The following DNAH5 variants were observed in gnomAD, a reference collection of about 807,000 sequenced individuals.
DNAH5 encodes the protein axonemal beta dynein heavy chain 5.
DNAH5 carries 372 observed loss-of-function variants against 518.2 expected under a neutral mutation model. The ratio of observed to expected loss-of-function variants is 0.72; its 90% CI spans 0.66 to 0.78. DNAH5 has a LOEUF of 0.78. Among genes scored for constraint, DNAH5 ranks in the 30% least tolerant of loss-of-function variants. The probability of loss-of-function intolerance (pLI) is 0.00; values close to 1 mark genes in which losing one functional copy is unlikely to be tolerated. For missense variants in DNAH5, 5,523 were observed against 5,687.0 expected, an observed-to-expected ratio of 0.97 and a Z score of 0.93; for synonymous variants, 2,039 against 2,025.9, an observed-to-expected ratio of 1.01 and a Z score of -0.17.
At chr5:13,765,875 T>A in intron 59 of DNAH5, 101 bp downstream of exon 59, 1 of 1,183,866 alleles carries the variant, frequency 8.4e-7, no homozygotes, top group South Asian at 1.2e-5. Context: ...AAATCATGTA[T>A]GTAGAGTAAG....
intron 74 of DNAH5, among the ~76,000 whole-genome samples, chr5:13,716,181 T>C (rs899213039): frequency 2.6e-5 from 4 of 152,200 alleles, no homozygotes; most frequent in Non-Finnish European, 5.9e-5. Flanking sequence ...CCAGGTGATT[T>C]GTGTAGGTCT....
chr5:13,695,253 C>T (rs755983418), intron 78 of DNAH5, among the ~76,000 whole-genome samples: 5 of 152,168 alleles, frequency 3.3e-5, no homozygotes, highest in South Asian at 2.1e-4. Context: ...TCCTGGCCCT[C>T]GGCTCACAGT....
chr5:14,003,768 C>T (rs1280268806), intron 1 of DNAH5, among the ~76,000 whole-genome samples: 1 of 152,248 alleles, frequency 6.6e-6, no homozygotes, highest in African/African-American at 2.4e-5. Flanking sequence ...GGAATACTCT[C>T]TCTTTGAAGC....
At chr5:13,920,806 T>A (rs1447437963) in intron 5 of DNAH5, among the ~76,000 whole-genome samples, 189 bp from the exon 6 acceptor site, 14 of 151,840 alleles carry the variant, frequency 9.2e-5, no homozygotes, top group Non-Finnish European at 2.1e-4. Flanking sequence ...TTCCAACACT[T>A]CCCTGTGATC....
Position 13,788,777 on chromosome 5 carries a change from C to A in DNAH5, c.8586G>T (p.Leu2862Phe), listed in dbSNP as rs10513155. The A allele has an allele frequency of 0.27, 429,352 of 1,613,654 alleles. 58,738 individuals carry two copies. The highest frequency in any genetic ancestry group is 0.38 in the Middle Eastern group (2,296 of 6,062). ...EEEFGEEKKL[L>F]VDCGIDTYFV... ...AATATGTGTCAATTCCACAATCCAC[C>A]AAGAGTTTTTTCTCTTCACCAAACT... The change falls in exon 51 of 79, where the codon TTG becomes TTT. Residue 2862 changes from leucine to phenylalanine, a missense_variant. By Grantham distance (22) the Leu-to-Phe change is conservative (BLOSUM62 0). Coordinates refer to ENST00000265104, the MANE Select transcript of DNAH5 (RefSeq NM_001369.3).
rs1373859322 is a variant in DNAH5, at chr5:13,753,513, G to T, written c.10592C>A (p.Ser3531Tyr). 6.2e-7 allele frequency: 1 copy of T among 1,613,648 alleles called. No individual in the cohort carries two copies. The highest frequency in any genetic ancestry group is 8.5e-7 in the Non-Finnish European group (1 of 1,179,926). ...ACGAAACTCTTGGTTAAATGGACCA[G>T]AATAAGATAGAAAAGCTGTAGCCAA... ...VLLATAFLSY[S>Y]GPFNQEFRDL... Residue 3531 changes from serine to tyrosine, a missense_variant, in exon 63 of 79, where the codon TCT becomes TAT. Coordinates refer to ENST00000265104, the MANE Select transcript of DNAH5 (RefSeq NM_001369.3).
At chr5:13,905,641 C>A (rs2151968947) in intron 12 of DNAH5, among the ~76,000 whole-genome samples, 1 of 152,116 alleles carries the variant, frequency 6.6e-6, no homozygotes, top group Non-Finnish European at 1.5e-5. Context: ...GGATGTGGAG[C>A]AACAAGAACT....
At chr5:13,769,733 T>C in intron 56 of DNAH5, 118 bp from the exon 57 acceptor site, 1 of 882,076 alleles carries the variant, frequency 1.1e-6, no homozygotes, top group Non-Finnish European at 1.9e-6. Flanking sequence ...TGTATGCAAG[T>C]AGCAAACCCA....
chr5:13,857,952 C>T (rs1398354553), intron 30 of DNAH5, among the ~76,000 whole-genome samples: 2 of 152,070 alleles, frequency 1.3e-5, no homozygotes, highest in African/African-American at 4.8e-5. Context: ...TAGGCATGGG[C>T]AAAGACTTAA....
At chr5:13,917,351 G>A (rs541478359) in intron 7 of DNAH5, 95 bp from the exon 8 acceptor site, 3 of 858,698 alleles carry the variant, frequency 3.5e-6, no homozygotes, top group Non-Finnish European at 5.8e-6. Context: ...TCCATTAGGC[G>A]AGACCTTCTG....
chr5:13,975,537 G>A (rs942080910), intron 1 of DNAH5, among the ~76,000 whole-genome samples: 3 of 152,262 alleles, frequency 2.0e-5, no homozygotes, highest in South Asian at 2.1e-4. Context: ...TGGACAGGGC[G>A]AAAATGGGGC....
At chr5:13,921,269 G>T (rs191305996) in intron 5 of DNAH5, among the ~76,000 whole-genome samples, 2 of 151,934 alleles carry the variant, frequency 1.3e-5, no homozygotes, top group East Asian at 3.9e-4. Context: ...AAAGCGTAAT[G>T]CCCCTTCCCC....
At position 13,777,252 on chromosome 5, in the gene DNAH5, T is replaced by C. The variant is rs1032468032; in HGVS notation, c.9055A>G (p.Lys3019Glu). 6.2e-7 allele frequency: 1 copy of C among 1,613,190 alleles called. No homozygotes were observed. Reference protein sequence around the residue: ...ITFIFTDNEIKDESFLEYMNN... With the variant: ...ITFIFTDNEIEDESFLEYMNN... The stretch of plus-strand genomic sequence containing the variant: ...ATATATTCCAAAAATGACTCATCTT[T>C]AATCTCATTGTCTGTGAAAATAAAA... Residue 3019 changes from lysine (K) to glutamate (E), a missense_variant, in exon 54 of 79, where the codon AAA becomes GAA. This residue lies in a region of DNAH5 where 5,121 missense variants were observed against 5,223.3 expected (regional missense o/e 0.98). Coordinates refer to ENST00000265104, the MANE Select transcript of DNAH5 (RefSeq NM_001369.3).
intron 11 of DNAH5, among the ~76,000 whole-genome samples, chr5:13,913,214 T>C (rs2151980102): frequency 6.6e-6 from 1 of 152,180 alleles, no homozygotes; most frequent in South Asian, 2.1e-4. Flanking sequence ...CTATGCCCAC[T>C]TTCAAAACTA....
intron 30 of DNAH5, among the ~76,000 whole-genome samples, chr5:13,854,739 C>G (rs1353945744): frequency 6.6e-6 from 1 of 152,136 alleles, no homozygotes; most frequent in African/African-American, 2.4e-5. Flanking sequence ...ATAAGACAGA[C>G]TTTAAACCAA....
chr5:13,979,481 ACACAGTAGGTG>A (rs1356161243), intron 1 of DNAH5, among the ~76,000 whole-genome samples: 11 of 152,318 alleles, frequency 7.2e-5, no homozygotes, highest in African/African-American at 2.4e-4. Flanking sequence ...CAAGCCTGAA[ACACAGTAGGTG>A]CTCAACAACT....
intron 31 of DNAH5, among the ~76,000 whole-genome samples, chr5:13,849,438 T>C (rs1245455878): frequency 6.6e-6 from 1 of 152,178 alleles, no homozygotes; most frequent in African/African-American, 2.4e-5. Context: ...CCGCTCTGGG[T>C]TCCTTTTAAT....
At chr5:13,922,074 T>A (rs1159861104) in intron 5 of DNAH5, 33 bp downstream of exon 5, 1 of 1,605,758 alleles carries the variant, frequency 6.2e-7, no homozygotes, top group Non-Finnish European at 8.5e-7. Flanking sequence ...GACCACCTGA[T>A]CATTTTTAAA....
intron 61 of DNAH5, among the ~76,000 whole-genome samples, chr5:13,754,826 C>T (rs866169819): frequency 6.6e-6 from 1 of 152,058 alleles, no homozygotes; most frequent in Non-Finnish European, 1.5e-5. Flanking sequence ...ATATGAGCCA[C>T]CGCACCTGAC....
Sources: gnomAD v4.1 joint callset for allele counts (sites outside exome capture counted in the v4.1 genomes callset) on GRCh38, gnomAD v4.1.1 for gene constraint, gnomAD v4.1.1 regional missense constraint, MANE v1.5 for transcripts, NCBI Gene and HGNC (gene_info 2026-07-23, HGNC 2026-07-21) for gene names.